SLC39A11: variants seen among roughly 807,000 people sequenced by gnomAD.
SLC39A11 encodes the protein solute carrier family 39 member 11.
SLC39A11 carries 33 observed loss-of-function variants against 36.1 expected under a neutral mutation model. The ratio of observed to expected loss-of-function variants is 0.91; its 90% CI spans 0.69 to 1.22. The LOEUF (loss-of-function observed/expected upper bound fraction) is 1.22, where lower values mean the gene tolerates loss of function less well. Ranked by LOEUF, SLC39A11 falls within the 50% of genes most tolerant of loss-of-function variation. The probability of loss-of-function intolerance (pLI) is 0.00; values close to 1 mark genes in which losing one functional copy is unlikely to be tolerated. For synonymous variants in SLC39A11, 166 were observed against 170.3 expected, an observed-to-expected ratio of 0.97 and a Z score of 0.20; for missense variants, 432 against 430.3, an observed-to-expected ratio of 1.00 and a Z score of -0.03.
At chr17:72,925,636 G>A (rs1476603817) in intron 5 of SLC39A11, among the ~76,000 whole-genome samples, 2 of 152,208 alleles carry the variant, frequency 1.3e-5, no homozygotes, top group African/African-American at 4.8e-5. Context: ...TGCAGTACCT[G>A]CCTATTGGCC....
At chr17:73,081,666 C>CAT (rs1568242856) in intron 3 of SLC39A11, among the ~76,000 whole-genome samples, 1 of 78,484 alleles carries the variant, frequency 1.3e-5, no homozygotes, top group African/African-American at 4.9e-5. Flanking sequence ...CACACACACA[C>CAT]ACACATATAT....
chr17:72,863,043 T>C (rs779482685), intron 5 of SLC39A11, among the ~76,000 whole-genome samples: 1 of 152,174 alleles, frequency 6.6e-6, no homozygotes, highest in African/African-American at 2.4e-5. Context: ...CAGGCAGGGC[T>C]TGGGAGTCTG....
At chr17:72,985,404 TGCC>T (rs1219991064) in intron 4 of SLC39A11, among the ~76,000 whole-genome samples, 1 of 138,768 alleles carries the variant, frequency 7.2e-6, no homozygotes, top group Non-Finnish European at 1.6e-5. Context: ...GCATGGGGCC[TGCC>T]TTTTTTTTTT....
chr17:72,831,564 A>C (rs1039631637), intron 6 of SLC39A11, among the ~76,000 whole-genome samples: 1 of 152,256 alleles, frequency 6.6e-6, no homozygotes, highest in Non-Finnish European at 1.5e-5. Flanking sequence ...AAAATAAGAC[A>C]GGAATTATAG....
intron 6 of SLC39A11, among the ~76,000 whole-genome samples, chr17:72,783,626 C>A (rs2567524): frequency 1.3e-5 from 2 of 151,962 alleles, no homozygotes; most frequent in Admixed American, 1.3e-4. Context: ...AAGTTATCAG[C>A]GTATGGATGG....
At chr17:72,934,947 G>A (rs902472613) in intron 5 of SLC39A11, among the ~76,000 whole-genome samples, 4 of 152,252 alleles carry the variant, frequency 2.6e-5, no homozygotes, top group East Asian at 1.9e-4. Flanking sequence ...ACTGAAGAAC[G>A]GCTTATCCGC....
At chr17:73,069,282 C>T (rs1017032742) in intron 3 of SLC39A11, among the ~76,000 whole-genome samples, 23 of 152,190 alleles carry the variant, frequency 1.5e-4, no homozygotes, top group African/African-American at 5.3e-4. Context: ...CAACCACATG[C>T]TGACCCGCCT....
At chr17:73,063,706 A>G (rs9895450) in intron 3 of SLC39A11, among the ~76,000 whole-genome samples, 127,651 of 152,226 alleles carry the variant, frequency 0.84, 53,761 homozygotes, top group East Asian at 0.94. Flanking sequence ...AAAGTGCTTC[A>G]AAAAGTATAA....
intron 6 of SLC39A11, among the ~76,000 whole-genome samples, 184 bp from the exon 7 acceptor site, chr17:72,736,903 A>G (rs1443575796): frequency 6.6e-6 from 1 of 152,200 alleles, no homozygotes; most frequent in East Asian, 1.9e-4. Context: ...CTTCTTCTCT[A>G]TGGCCTGCAA....
At chr17:72,884,029 C>T (rs116645679) in intron 5 of SLC39A11, among the ~76,000 whole-genome samples, 4,089 of 152,210 alleles carry the variant, frequency 0.027, 184 homozygotes, top group African/African-American at 0.09. Context: ...GTGGCGTGCA[C>T]CTGTGGTCCC....
intron 4 of SLC39A11, among the ~76,000 whole-genome samples, chr17:72,976,626 G>A (rs569210953): frequency 5.8e-4 from 89 of 152,306 alleles, no homozygotes; most frequent in African/African-American, 1.3e-3. Flanking sequence ...CAAGGCAGGC[G>A]GATCACGAGG....
chr17:72,996,291 TC>T (rs1178942966), intron 4 of SLC39A11, among the ~76,000 whole-genome samples: 4 of 152,198 alleles, frequency 2.6e-5, no homozygotes, highest in Non-Finnish European at 5.9e-5. Flanking sequence ...AGGTTTTACC[TC>T]TATGTGCGTC....
intron 7 of SLC39A11, among the ~76,000 whole-genome samples, chr17:72,689,165 C>T (rs2071896266): frequency 2.0e-5 from 3 of 152,044 alleles, no homozygotes; most frequent in Admixed American, 6.6e-5. Flanking sequence ...GTGGCTGGCC[C>T]GATGCTCGAC....
At chr17:72,806,621 C>T (rs568514388) in intron 6 of SLC39A11, among the ~76,000 whole-genome samples, 3 of 152,156 alleles carry the variant, frequency 2.0e-5, no homozygotes, top group Admixed American at 1.3e-4. Context: ...CCCTCTTTGT[C>T]GCCCAGACTG....
chr17:72,762,323 TG>T (rs1427303209), intron 6 of SLC39A11, among the ~76,000 whole-genome samples: 1 of 152,224 alleles, frequency 6.6e-6, no homozygotes, highest in Non-Finnish European at 1.5e-5. Context: ...TCGTCCTCAC[TG>T]CTTATTATAT....
chr17:72,694,672 G>A (rs570687251), intron 7 of SLC39A11, among the ~76,000 whole-genome samples: 1 of 152,208 alleles, frequency 6.6e-6, no homozygotes, highest in African/African-American at 2.4e-5. Flanking sequence ...GAAGGTGGAG[G>A]AACCTTGTGG....
At chr17:72,955,052 T>C (rs1174637888) in intron 4 of SLC39A11, among the ~76,000 whole-genome samples, 1 of 152,218 alleles carries the variant, frequency 6.6e-6, no homozygotes, top group Non-Finnish European at 1.5e-5. Context: ...GCACTAGGAT[T>C]GTACCTCTAA....
intron 3 of SLC39A11, among the ~76,000 whole-genome samples, chr17:73,040,689 A>G (rs1259020287): frequency 3.3e-5 from 5 of 152,250 alleles, no homozygotes; most frequent in Non-Finnish European, 7.3e-5. Context: ...ATTAAAAGTT[A>G]ATGATTATAA....
intron 4 of SLC39A11, among the ~76,000 whole-genome samples, chr17:73,024,128 C>T (rs1482965453): frequency 6.6e-6 from 1 of 152,232 alleles, no homozygotes; most frequent in Non-Finnish European, 1.5e-5. Flanking sequence ...TGCAGAACTG[C>T]CACCTTCTTT....
Sources: gnomAD v4.1 joint callset for allele counts (sites outside exome capture counted in the v4.1 genomes callset) on GRCh38, gnomAD v4.1.1 for gene constraint, MANE v1.5 for transcripts, NCBI Gene and HGNC (gene_info 2026-07-23, HGNC 2026-07-21) for gene names.